The following OXR1 variants were observed in gnomAD, a reference collection of about 807,000 sequenced individuals.
OXR1 encodes oxidation resistance protein 1.
In OXR1, 41 loss-of-function variants were observed where a neutral mutation model predicts 104.6. The observed-to-expected ratio is 0.39, with a 90% CI of 0.31 to 0.51. OXR1 has a LOEUF of 0.51. OXR1 is among the 20% of genes least tolerant of loss of function. The pLI is 0.77. For missense variants in OXR1, 955 were observed against 1,031.9 expected (o/e 0.93, Z 1.02); for synonymous variants, 348 against 348.4 (o/e 1.00, Z 0.01).
intron 1 of OXR1, among the ~76,000 whole-genome samples, chr8:106,289,731 A>G (rs1812668797): frequency 6.6e-6 from 1 of 152,154 alleles, no homozygotes; most frequent in South Asian, 2.1e-4. Context: ...AGACAGACAC[A>G]CTGATATGGG....
intron 3 of OXR1, among the ~76,000 whole-genome samples, chr8:106,620,573 A>G (rs1821620276): frequency 6.6e-6 from 1 of 152,146 alleles, no homozygotes. Flanking sequence ...CACTGTCTTG[A>G]CTGAACTCCC....
chr8:106,689,815 A>G (rs1225972015), intron 6 of OXR1, among the ~76,000 whole-genome samples: 1 of 151,894 alleles, frequency 6.6e-6, no homozygotes, highest in Non-Finnish European at 1.5e-5. Flanking sequence ...TTGAAGTGGT[A>G]TGCCTGTATA....
At chr8:106,594,482 G>A (rs1026688410) in intron 3 of OXR1, among the ~76,000 whole-genome samples, 3 of 152,106 alleles carry the variant, frequency 2.0e-5, no homozygotes, top group Admixed American at 6.5e-5. Flanking sequence ...GGAAGCCTTG[G>A]GAACCCACCC....
chr8:106,548,560 G>C (rs1183859227), intron 3 of OXR1, among the ~76,000 whole-genome samples: 3 of 152,146 alleles, frequency 2.0e-5, no homozygotes. Context: ...AGAAACATGA[G>C]CAAATATTAT....
At chr8:106,561,784 G>A (rs1460163359) in intron 3 of OXR1, among the ~76,000 whole-genome samples, 1 of 152,162 alleles carries the variant, frequency 6.6e-6, no homozygotes, top group African/African-American at 2.4e-5. Flanking sequence ...GAAGGAACAG[G>A]CAGCAATCTT....
chr8:106,306,334 G>A (rs374191021), intron 1 of OXR1, among the ~76,000 whole-genome samples: 12 of 151,992 alleles, frequency 7.9e-5, no homozygotes, highest in East Asian at 5.8e-4. Context: ...TAAAGCTTCC[G>A]GTATCCATTA....
chr8:106,551,827 CAT>C (rs56997959), intron 3 of OXR1, among the ~76,000 whole-genome samples: 24,364 of 141,624 alleles, frequency 0.17, 2,267 homozygotes, highest in East Asian at 0.28. Context: ...CACACACACA[CAT>C]ATATATATGT....
intron 1 of OXR1, among the ~76,000 whole-genome samples, chr8:106,327,861 G>T (rs1814537526): frequency 6.6e-6 from 1 of 152,150 alleles, no homozygotes; most frequent in Admixed American, 6.5e-5. Context: ...GCATTCTATT[G>T]TTTTGTGTTT....
At chr8:106,278,761 T>G (rs1441153457) in intron 1 of OXR1, among the ~76,000 whole-genome samples, 1 of 152,216 alleles carries the variant, frequency 6.6e-6, no homozygotes, top group Non-Finnish European at 1.5e-5. Flanking sequence ...AAAAATATTT[T>G]CTTCTGTTTT....
chr8:106,370,280 A>G (rs1468814876), intron 2 of OXR1, among the ~76,000 whole-genome samples: 1 of 152,218 alleles, frequency 6.6e-6, no homozygotes, highest in Non-Finnish European at 1.5e-5. Context: ...GTTGCTTATC[A>G]GTTCAAGAAG....
chr8:106,702,943 A>G lies in OXR1; in HGVS notation c.713A>G (p.Asn238Ser). 1.2e-6 allele frequency: 2 copies of G among 1,613,792 alleles called. No homozygotes were observed. The highest frequency in any genetic ancestry group is 1.7e-6 in the Non-Finnish European group (2 of 1,179,774). ...GGTGTGCTGCTAGTTACACCAAATA[A>G]TATAATGTTTGATCCACATAAAAAT... ...VSGVLLVTPN[N>S]IMFDPHKNDP... is the part of the protein sequence containing the mutation. Residue 238 changes from asparagine to serine, a missense_variant, in exon 8 of 17, where the codon AAT becomes AGT. Around this residue, in one of 2 missense-constraint regions of OXR1, gnomAD observed 849 missense variants for 852.9 expected, o/e 1.00. Coordinates refer to ENST00000517566, the MANE Select transcript of OXR1 (RefSeq NM_001198533.2).
intron 2 of OXR1, among the ~76,000 whole-genome samples, chr8:106,408,127 C>T (rs1030527213): frequency 6.6e-6 from 1 of 152,148 alleles, no homozygotes; most frequent in African/African-American, 2.4e-5. Flanking sequence ...ATCAAAGAAT[C>T]ATCGATCCCC....
At chr8:106,658,803 AT>A (rs960257357) in intron 3 of OXR1, among the ~76,000 whole-genome samples, 1 of 152,024 alleles carries the variant, frequency 6.6e-6, no homozygotes, top group Non-Finnish European at 1.5e-5. Context: ...GTGTTGGCCG[AT>A]TTTTTTCACC....
At position 106,573,344 on chromosome 8, in the gene OXR1, T is replaced by TACACACAC. The variant is rs3046716; in HGVS notation, c.220+54234_220+54241dup. On this transcript the variant is annotated intron_variant, in intron 3 of 16. Coordinates refer to ENST00000517566, the MANE Select transcript of OXR1 (RefSeq NM_001198533.2). ...TTGACACCTACAATTAACCATCACA[T>TACACACAC]ACACACACACACACACACACACACA... 1.6e-3 allele frequency among the ~76,000 whole-genome samples: 230 copies of TACACACAC among 146,732 alleles called. 2 individuals are homozygous for TACACACAC. The highest frequency in any genetic ancestry group is 0.013 in the South Asian group (57 of 4,506).
At chr8:106,420,864 T>C (rs1320493124) in intron 2 of OXR1, among the ~76,000 whole-genome samples, 1 of 152,062 alleles carries the variant, frequency 6.6e-6, no homozygotes, top group Non-Finnish European at 1.5e-5. Flanking sequence ...CTGGTCTTTA[T>C]TTAATTTCTG....
At chr8:106,515,837 T>C (rs1214597431) in intron 2 of OXR1, among the ~76,000 whole-genome samples, 2 of 152,140 alleles carry the variant, frequency 1.3e-5, no homozygotes, top group Non-Finnish European at 2.9e-5. Context: ...CTCAAGTATA[T>C]GACAACATAG....
At chr8:106,678,240 A>G (rs1827797595) in intron 3 of OXR1, among the ~76,000 whole-genome samples, 1 of 152,062 alleles carries the variant, frequency 6.6e-6, no homozygotes. Context: ...TGAGATGATT[A>G]GGTCAACATA....
At chr8:106,729,691 A>T (rs2131512742) in intron 11 of OXR1, 1 of 152,238 alleles carries the variant, frequency 6.6e-6, no homozygotes, top group Non-Finnish European at 1.5e-5. Flanking sequence ...ACATATATTC[A>T]ATGTAGAATA....
chr8:106,506,050 AAGG>A (rs745898177), intron 2 of OXR1, among the ~76,000 whole-genome samples: 3 of 152,128 alleles, frequency 2.0e-5, no homozygotes, highest in Admixed American at 6.5e-5. Context: ...GTATAATAGA[AAGG>A]GTTTATTGAT....
Sources: gnomAD v4.1 joint callset for allele counts (sites outside exome capture counted in the v4.1 genomes callset) on GRCh38, gnomAD v4.1.1 for gene constraint, gnomAD v4.1.1 regional missense constraint, MANE v1.5 for transcripts, NCBI Gene and HGNC (gene_info 2026-07-23, HGNC 2026-07-21) for gene names.